The following CD55 variants were observed in gnomAD, a reference collection of about 807,000 sequenced individuals.
CD55 encodes the protein CD55 molecule (Cromer blood group), also known as complement decay-accelerating factor.
Under a neutral mutation model 45.8 loss-of-function variants are expected in CD55, and 41 were observed. The ratio of observed to expected loss-of-function variants is 0.90; its 90% CI spans 0.70 to 1.16. The LOEUF (loss-of-function observed/expected upper bound fraction) is 1.16, where lower values mean the gene tolerates loss of function less well. CD55 is among the 50% of genes most tolerant of loss of function. The pLI is 0.00. For synonymous variants in CD55, 181 were observed against 181.1 expected (o/e 1.00, Z 0.01); for missense variants, 416 against 469.8 (o/e 0.89, Z 1.06).
rs778452813 is a variant in CD55, at chr1:207,322,483, A to G, written c.202A>G (p.Ser68Gly). The G allele has an allele frequency of 1.9e-6, 3 of 1,614,258 alleles. No homozygotes were observed. The South Asian group carries it at 3.3e-5, about 18-fold the overall frequency. The change falls in exon 2 of 10, where the codon AGC becomes GGC. Residue 68 changes from serine to glycine, a missense_variant. Physicochemically the swap from Ser to Gly is moderately conservative, Grantham distance 56. Transcript: ENST00000367064. ...TGTAATAACGTACAAATGTGAAGAA[A>G]GCTTTGTGAAAATTCCTGGCGAGAA... ...DTVITYKCEESFVKIPGEKDS... is the reference protein window; with the variant it reads ...DTVITYKCEEGFVKIPGEKDS...
At chr1:207,327,213 G>C (rs1203046140) in intron 5 of CD55, among the ~76,000 whole-genome samples, 1 of 152,168 alleles carries the variant, frequency 6.6e-6, no homozygotes, top group East Asian at 1.9e-4. Context: ...TGTAAGACTT[G>C]ACCCCATATC....
Position 207,359,793 on chromosome 1 carries a change from A to T in CD55, c.*183A>T. On this transcript the variant is annotated 3_prime_UTR_variant, in exon 10 of 10. Coordinates refer to ENST00000367064, the MANE Select transcript of CD55 (RefSeq NM_000574.5). ...AGAAAAAAGGCAGTCCTGGAATCAC[A>T]TTCTTAGCACACCTACACCTCTTGA... 1.6e-6 allele frequency: 1 copy of T among 615,456 alleles called. No homozygotes were observed. Among genetic ancestry groups the T allele is most frequent in the Non-Finnish European group, 2.5e-6 (1 of 401,708 alleles). The allele number at this position is 615,456 out of a possible 1,614,324, so 38.1% of individuals were successfully genotyped here.
intron 9 of CD55, among the ~76,000 whole-genome samples, chr1:207,358,800 C>T (rs572046287): frequency 2.0e-5 from 3 of 149,874 alleles, no homozygotes; most frequent in South Asian, 2.3e-4. Flanking sequence ...TATGACATAT[C>T]GTCAGTTCTG....
intron 9 of CD55, chr1:207,347,392 TG>T (rs1272892508): frequency 5.6e-6 from 2 of 360,208 alleles, no homozygotes; most frequent in African/African-American, 4.3e-5. Context: ...CCCAAGTAGC[TG>T]GGACTATAGG....
Position 207,359,686 on chromosome 1 carries a change from G to C in CD55, c.*76G>C, listed in dbSNP as rs769258176. On this transcript the variant is annotated 3_prime_UTR_variant, in exon 10 of 10. Transcript: ENST00000367064. Reference sequence around the variant, plus strand: ...GTTTCTTAGACTTATCTGCATATTGGATAAAATAAATGCAATTGTGCTCTT... The same window carrying C: ...GTTTCTTAGACTTATCTGCATATTGCATAAAATAAATGCAATTGTGCTCTT... 1 of 1,509,554 alleles carries C rather than the reference G, an allele frequency of 6.6e-7. No individual in the cohort carries two copies. The highest frequency in any genetic ancestry group is 1.4e-5 in the African/African-American group (1 of 68,970). 93.5% of individuals were successfully genotyped at this position (1,509,554 alleles called of 1,614,324 possible). A position where few individuals can be genotyped will look rare whatever the true frequency, so the allele number is the denominator to read the frequency against.
intron 9 of CD55, among the ~76,000 whole-genome samples, chr1:207,356,325 G>A (rs767040718): frequency 6.6e-6 from 1 of 152,052 alleles, no homozygotes; most frequent in Non-Finnish European, 1.5e-5. Flanking sequence ...GCGTGTCTCT[G>A]TATTCATTTT....
At chr1:207,336,997 A>G in intron 7 of CD55, 179 bp downstream of exon 7, 1 of 686,822 alleles carries the variant, frequency 1.5e-6, no homozygotes. Flanking sequence ...CAACACCTCA[A>G]AGACACACCA....
chr1:207,337,463 A>G, intron 8 of CD55, 54 bp downstream of exon 8: 2 of 965,632 alleles, frequency 2.1e-6, no homozygotes, highest in Middle Eastern at 4.2e-4. Flanking sequence ...GCTATGGTGG[A>G]AATATGAACT....
At chr1:207,354,472 G>C (rs1410120572) in intron 9 of CD55, among the ~76,000 whole-genome samples, 1 of 152,186 alleles carries the variant, frequency 6.6e-6, no homozygotes, top group Non-Finnish European at 1.5e-5. Context: ...AGTTCTACAT[G>C]ATGGGGAACC....
chr1:207,324,877 G>A, intron 3 of CD55, 127 bp downstream of exon 3: 1 of 458,336 alleles, frequency 2.2e-6, no homozygotes, highest in Non-Finnish European at 3.8e-6. Context: ...ATAGGACCAT[G>A]AGTGTCAATT....
intron 5 of CD55, among the ~76,000 whole-genome samples, chr1:207,327,057 T>A (rs1307330605): frequency 6.6e-6 from 1 of 152,206 alleles, no homozygotes; most frequent in African/African-American, 2.4e-5. Flanking sequence ...AATTCCCAAA[T>A]TGTAGAATGA....
chr1:207,347,341 G>A, intron 9 of CD55: 2 of 389,864 alleles, frequency 5.1e-6, no homozygotes, highest in Non-Finnish European at 1.0e-5. Flanking sequence ...CTCACTGCAA[G>A]CTCTGCCTCC....
chr1:207,332,230 A>G (rs1280713425), intron 6 of CD55, among the ~76,000 whole-genome samples: 3 of 152,102 alleles, frequency 2.0e-5, no homozygotes, highest in Admixed American at 1.3e-4. Flanking sequence ...TATTATATCA[A>G]TGGTGTGGGT....
Position 207,348,434 on chromosome 1 carries a change from ATTTG to A in CD55, c.1081+9021_1081+9024del, listed in dbSNP as rs553616984. ...GGGTTGGTTTGATTTTTGTTTGTTG[ATTTG>A]TTTAAGTTCCTTAGAGATTTTGAAT... is the stretch of plus-strand genomic sequence containing the variant. On this transcript the variant is annotated intron_variant, in intron 9 of 9. Transcript: ENST00000367064. Among the ~76,000 whole-genome samples the A allele has an allele frequency of 4.6e-5, 7 of 151,690 alleles. No homozygotes were observed. The South Asian group carries it at 1.2e-3, about 27-fold the overall frequency.
At position 207,331,297 on chromosome 1, in the gene CD55, G is replaced by T. The variant is rs140013480; in HGVS notation, c.853+1G>T. ...AGTGGCCCACCACCTGAATGCAGAG[G>T]TAATCACTTTGGATAGTTATATTTT... On this transcript the variant is annotated splice_donor_variant, in intron 6 of 9. Coordinates refer to ENST00000367064, the MANE Select transcript of CD55 (RefSeq NM_000574.5). LOFTEE classifies it high-confidence loss of function. The T allele has an allele frequency of 1.9e-6, 3 of 1,611,522 alleles. No homozygotes were observed. In the African/African-American group the frequency reaches 4.0e-5, roughly 22 times the overall value.
At chr1:207,323,591 T>C (rs559912403) in intron 2 of CD55, among the ~76,000 whole-genome samples, 2 of 152,040 alleles carry the variant, frequency 1.3e-5, no homozygotes, top group South Asian at 4.1e-4. Flanking sequence ...GATATATGAG[T>C]AGAGATAAAG....
At chr1:207,340,605 TA>T (rs1558152020) in intron 9 of CD55, 1 of 683,798 alleles carries the variant, frequency 1.5e-6, no homozygotes, top group Admixed American at 2.1e-5. Context: ...CTCCTGGCCG[TA>T]AGCGATTTTT....
intron 9 of CD55, among the ~76,000 whole-genome samples, chr1:207,356,642 A>C (rs1656087342): frequency 6.6e-6 from 1 of 152,176 alleles, no homozygotes; most frequent in Non-Finnish European, 1.5e-5. Flanking sequence ...AATGGGGGAA[A>C]TATAGTACCT....
chr1:207,326,419 A>G (rs1189207999), intron 4 of CD55, among the ~76,000 whole-genome samples: 1 of 152,200 alleles, frequency 6.6e-6, no homozygotes, highest in Non-Finnish European at 1.5e-5. Flanking sequence ...AGTACATTCT[A>G]TTATTCTGTG....
Sources: allele counts gnomAD v4.1 joint callset (sites outside exome capture counted in the v4.1 genomes callset), GRCh38; gene constraint gnomAD v4.1.1; transcripts MANE v1.5; gene names NCBI Gene and HGNC (gene_info 2026-07-23, HGNC 2026-07-21).